The following PDE4B variants were observed in gnomAD, a reference collection of about 807,000 sequenced individuals.
The protein encoded by PDE4B is phosphodiesterase 4B.
Under a neutral mutation model 82.2 loss-of-function variants are expected in PDE4B, and 20 were observed. The observed-to-expected ratio is 0.24, with a 90% CI of 0.17 to 0.35. The LOEUF (loss-of-function observed/expected upper bound fraction) is 0.35. PDE4B is among the 10% of genes least tolerant of loss of function. PDE4B has a pLI of 1.00. For synonymous variants in PDE4B, 320 were observed against 318.9 expected (o/e 1.00, Z -0.04); for missense variants, 655 against 907.2 (o/e 0.72, Z 3.57).
At chr1:66,336,372 C>G (rs1660517232) in intron 8 of PDE4B, among the ~76,000 whole-genome samples, 1 of 152,146 alleles carries the variant, frequency 6.6e-6, no homozygotes, top group African/African-American at 2.4e-5. Context: ...ACTGAGAAAC[C>G]TAGTCTTTCA....
intron 3 of PDE4B, among the ~76,000 whole-genome samples, chr1:65,963,010 C>T (rs368804680): frequency 1.7e-4 from 26 of 152,248 alleles, no homozygotes; most frequent in African/African-American, 6.3e-4. Context: ...TAGTGTTTGT[C>T]GATTTCCATG....
intron 3 of PDE4B, among the ~76,000 whole-genome samples, chr1:66,148,225 G>A (rs1475300789): frequency 6.6e-6 from 1 of 152,084 alleles, no homozygotes; most frequent in African/African-American, 2.4e-5. Context: ...AGCCCAGATT[G>A]CACCACTGCA....
At chr1:66,341,942 G>A (rs1570731271) in intron 8 of PDE4B, among the ~76,000 whole-genome samples, 1 of 152,180 alleles carries the variant, frequency 6.6e-6, no homozygotes, top group East Asian at 1.9e-4. Flanking sequence ...GTGGAGTTAG[G>A]TACAATGGTG....
At chr1:66,011,048 T>C (rs891360874) in intron 3 of PDE4B, among the ~76,000 whole-genome samples, 25 of 151,844 alleles carry the variant, frequency 1.6e-4, no homozygotes, top group African/African-American at 6.0e-4. Context: ...TTTTTTTCAC[T>C]CATCAGAATT....
intron 1 of PDE4B, among the ~76,000 whole-genome samples, chr1:65,824,635 T>TTA (rs1645993627): frequency 6.7e-6 from 1 of 149,408 alleles, no homozygotes; most frequent in South Asian, 2.1e-4. Context: ...ACATATATAT[T>TTA]TATATATATA....
At chr1:65,840,512 T>C (rs982642453) in intron 1 of PDE4B, among the ~76,000 whole-genome samples, 1 of 152,206 alleles carries the variant, frequency 6.6e-6, no homozygotes, top group Non-Finnish European at 1.5e-5. Flanking sequence ...TTAATATTAT[T>C]GTAAGCATTA....
At chr1:65,874,741 A>G (rs1367252204) in intron 1 of PDE4B, among the ~76,000 whole-genome samples, 1 of 151,656 alleles carries the variant, frequency 6.6e-6, no homozygotes, top group Non-Finnish European at 1.5e-5. Context: ...CTGGCTAGCC[A>G]TATGTAGAAA....
chr1:66,034,483 T>A (rs1462238105), intron 3 of PDE4B, among the ~76,000 whole-genome samples: 1 of 152,230 alleles, frequency 6.6e-6, no homozygotes, highest in Non-Finnish European at 1.5e-5. Flanking sequence ...ATTCCTGGGT[T>A]TCCTGATCCT....
At chr1:66,044,566 T>G (rs1654582507) in intron 3 of PDE4B, among the ~76,000 whole-genome samples, 1 of 151,756 alleles carries the variant, frequency 6.6e-6, no homozygotes, top group African/African-American at 2.4e-5. Flanking sequence ...ACATTGGCTA[T>G]ATCTTTAATT....
At chr1:65,865,419 T>TG (rs1309068997) in intron 1 of PDE4B, among the ~76,000 whole-genome samples, 2 of 133,946 alleles carry the variant, frequency 1.5e-5, no homozygotes, top group East Asian at 2.5e-4. Flanking sequence ...CAGGTGCCTC[T>TG]GGGGGGTGGC....
At chr1:66,206,330 G>C (rs1369424761) in intron 3 of PDE4B, among the ~76,000 whole-genome samples, 2 of 152,146 alleles carry the variant, frequency 1.3e-5, no homozygotes, top group East Asian at 3.8e-4. Context: ...TTCAGCAACA[G>C]GAGAGTGTCT....
intron 3 of PDE4B, among the ~76,000 whole-genome samples, chr1:66,009,977 TTGTC>T (rs1652393136): frequency 1.3e-5 from 2 of 151,788 alleles, no homozygotes; most frequent in Non-Finnish European, 2.9e-5. Flanking sequence ...ATCTTTGGTA[TTGTC>T]TGTCTCTTTT....
intron 3 of PDE4B, among the ~76,000 whole-genome samples, chr1:65,987,757 C>A (rs1475231200): frequency 6.6e-6 from 1 of 152,086 alleles, no homozygotes; most frequent in Non-Finnish European, 1.5e-5. Context: ...GGATTACAGG[C>A]ATGCGCTGCC....
chr1:65,795,146 T>A (rs1196536447), intron 1 of PDE4B, among the ~76,000 whole-genome samples: 2 of 152,214 alleles, frequency 1.3e-5, no homozygotes, highest in Non-Finnish European at 2.9e-5. Context: ...TAAAGGCTTG[T>A]TTGATAAAGA....
intron 1 of PDE4B, among the ~76,000 whole-genome samples, chr1:65,824,468 A>C (rs374424105): frequency 3.3e-5 from 5 of 151,994 alleles, no homozygotes; most frequent in South Asian, 2.1e-4. Flanking sequence ...AGGCAATACT[A>C]CTTTTCATAA....
intron 3 of PDE4B, among the ~76,000 whole-genome samples, chr1:66,192,337 C>A (rs1647889996): frequency 1.3e-5 from 2 of 152,100 alleles, no homozygotes; most frequent in South Asian, 2.1e-4. Context: ...TAATCATAAT[C>A]CCCTGTTGTC....
chr1:66,203,290 T>C lies in PDE4B; in HGVS notation c.282-44170T>C, dbSNP rs1209166146. 5.9e-5 allele frequency among the ~76,000 whole-genome samples: 9 copies of C among 152,136 alleles called. No individual in the cohort carries two copies. The East Asian group carries it at 1.7e-3, about 29-fold the overall frequency. On this transcript the variant is annotated intron_variant, in intron 3 of 16. Transcript: ENST00000341517. Reference sequence around the variant, plus strand: ...CTGGCTGCCCTTAACATTTTTTCCTTCATTTCAACTTTGTTGAATCTGACA... The same window carrying C: ...CTGGCTGCCCTTAACATTTTTTCCTCCATTTCAACTTTGTTGAATCTGACA...
At chr1:66,331,950 A>T (rs954464004) in intron 7 of PDE4B, 3 of 1,000,888 alleles carry the variant, frequency 3.0e-6, no homozygotes, top group Admixed American at 5.6e-5. Flanking sequence ...AGTTATTCCA[A>T]CATGAACACA....
intron 15 of PDE4B, among the ~76,000 whole-genome samples, chr1:66,368,327 G>A (rs772684775): frequency 7.9e-5 from 12 of 152,162 alleles, no homozygotes; most frequent in African/African-American, 2.7e-4. Flanking sequence ...TAGGGCATAC[G>A]TGACTGTTGG....
Sources: gnomAD v4.1 joint callset for allele counts (sites outside exome capture counted in the v4.1 genomes callset) on GRCh38, gnomAD v4.1.1 for gene constraint, MANE v1.5 for transcripts, NCBI Gene and HGNC (gene_info 2026-07-23, HGNC 2026-07-21) for gene names.